Variants in PDGFD observed in about 807,000 individuals in gnomAD.
PDGFD encodes platelet-derived growth factor D.
A neutral mutation model predicts 44.7 loss-of-function variants in PDGFD; 30 were observed. The observed-to-expected ratio is 0.67, with a 90% CI of 0.50 to 0.91. PDGFD has a LOEUF of 0.91. Ranked by LOEUF, PDGFD falls within the 40% of genes least tolerant of loss-of-function variation. The pLI is 0.00. For synonymous variants in PDGFD, 173 were observed against 168.4 expected (o/e 1.03, Z -0.21); for missense variants, 445 against 457.8 (o/e 0.97, Z 0.25).
At chr11:104,157,614 C>T (rs745777208) in intron 1 of PDGFD, among the ~76,000 whole-genome samples, 4 of 152,182 alleles carry the variant, frequency 2.6e-5, no homozygotes, top group African/African-American at 7.2e-5. Flanking sequence ...CAAGGCAGCA[C>T]GGTCAACCCC....
At chr11:104,061,832 G>C (rs950129593) in intron 1 of PDGFD, among the ~76,000 whole-genome samples, 1 of 151,948 alleles carries the variant, frequency 6.6e-6, no homozygotes, top group African/African-American at 2.4e-5. Context: ...GGTCTTGAAC[G>C]CCTGGCCTCA....
At chr11:104,003,103 GA>G (rs962585022) in intron 1 of PDGFD, among the ~76,000 whole-genome samples, 3 of 151,852 alleles carry the variant, frequency 2.0e-5, no homozygotes, top group African/African-American at 7.3e-5. Context: ...CGTACACTTG[GA>G]AAAAAAAGTT....
At chr11:104,074,819 G>A (rs1355392647) in intron 1 of PDGFD, among the ~76,000 whole-genome samples, 1 of 152,184 alleles carries the variant, frequency 6.6e-6, no homozygotes, top group Non-Finnish European at 1.5e-5. Flanking sequence ...GAATTCAGGT[G>A]CTGATTGCCT....
rs143689113 is a variant in PDGFD at position 103,927,511 on chromosome 11, G to A, written c.773-385C>T. Among the ~76,000 whole-genome samples the A allele has an allele frequency of 8.1e-3, 1,238 of 152,142 alleles. 13 individuals carry two copies. Among genetic ancestry groups the A allele is most frequent in the African/African-American group, 0.028 (1,172 of 41,510 alleles). ...TGCTTCTTCATTCTAAATAAATCCT[G>A]ACTCTAAGCCATCACTTAAATATAA... On this transcript the variant is annotated intron_variant, in intron 5 of 6. Coordinates refer to ENST00000393158, the MANE Select transcript of PDGFD (RefSeq NM_025208.5).
At chr11:104,144,507 C>CAAAAAAAAAAAAAAAAAAA (rs201864924) in intron 1 of PDGFD, among the ~76,000 whole-genome samples, 2 of 73,820 alleles carry the variant, frequency 2.7e-5, no homozygotes, top group African/African-American at 1.3e-4. Context: ...ACTCCGTCAC[C>CAAAAAAAAAAAAAAAAAAA]AAAAAAAAAA....
At chr11:104,043,368 G>A (rs1239228429) in intron 1 of PDGFD, among the ~76,000 whole-genome samples, 1 of 152,202 alleles carries the variant, frequency 6.6e-6, no homozygotes, top group Admixed American at 6.5e-5. Context: ...TCACCGCCTA[G>A]AAGATAAGTC....
rs1243390058 is a variant in PDGFD at position 103,957,017 on chromosome 11, A to G, written c.511-9293T>C. ...CTCCCATTTTATAGTTTGCCTGTTC[A>G]CTCTGATGGTAGTTTCTTTTGCTGT... On this transcript the variant is annotated intron_variant, in intron 3 of 6. Transcript: ENST00000393158. 3.3e-5 allele frequency among the ~76,000 whole-genome samples: 5 copies of G among 152,044 alleles called. No individual in the cohort carries two copies. The East Asian group carries it at 9.7e-4, about 29-fold the overall frequency.
rs563786139 is a variant in PDGFD, at chr11:104,032,891, G to C, written c.125-32636C>G. Reference sequence around the variant, plus strand: ...TATATTCTTATATTGTACTTACTAAGGGAGAAAAGTAAGGGAGTATACTTC... The same window carrying C: ...TATATTCTTATATTGTACTTACTAACGGAGAAAAGTAAGGGAGTATACTTC... On this transcript the variant is annotated intron_variant, in intron 1 of 6. Coordinates refer to ENST00000393158, the MANE Select transcript of PDGFD (RefSeq NM_025208.5). 5.4e-4 allele frequency among the ~76,000 whole-genome samples: 82 copies of C among 151,906 alleles called. No homozygotes were observed. In the Middle Eastern group the frequency reaches 0.014, roughly 25 times the overall value.
intron 1 of PDGFD, among the ~76,000 whole-genome samples, chr11:104,020,896 G>A (rs1859939956): frequency 1.3e-5 from 2 of 152,054 alleles, no homozygotes; most frequent in South Asian, 4.1e-4. Context: ...CTTGGATTAA[G>A]GAATACATTT....
intron 1 of PDGFD, among the ~76,000 whole-genome samples, chr11:104,110,444 G>A (rs990919841): frequency 6.7e-6 from 1 of 150,132 alleles, no homozygotes; most frequent in Non-Finnish European, 1.5e-5. Context: ...AGGCATTTCT[G>A]TTTCTTAATA....
At chr11:104,125,817 G>A (rs1861834034) in intron 1 of PDGFD, among the ~76,000 whole-genome samples, 1 of 152,154 alleles carries the variant, frequency 6.6e-6, no homozygotes, top group African/African-American at 2.4e-5. Flanking sequence ...CACTCCTGAT[G>A]CTGAAGGTAG....
At chr11:103,919,719 G>C (rs1300537920) in intron 6 of PDGFD, among the ~76,000 whole-genome samples, 1 of 151,874 alleles carries the variant, frequency 6.6e-6, no homozygotes, top group Non-Finnish European at 1.5e-5. Context: ...ACGTTGGCCA[G>C]GCTGGTCTTG....
At chr11:104,019,715 T>A (rs946234289) in intron 1 of PDGFD, among the ~76,000 whole-genome samples, 2 of 152,162 alleles carry the variant, frequency 1.3e-5, no homozygotes. Flanking sequence ...AAGATTATCA[T>A]GTATAATTAT....
chr11:104,095,889 A>G (rs960070309), intron 1 of PDGFD, among the ~76,000 whole-genome samples: 2 of 152,200 alleles, frequency 1.3e-5, no homozygotes, highest in African/African-American at 4.8e-5. Flanking sequence ...TTACTGATAT[A>G]TGAGGAGATA....
chr11:104,073,065 A>G (rs943895659), intron 1 of PDGFD, among the ~76,000 whole-genome samples: 5 of 152,086 alleles, frequency 3.3e-5, no homozygotes, highest in Admixed American at 1.3e-4. Context: ...TGTACATTCT[A>G]CATCTAAAAT....
chr11:104,069,420 T>C (rs1860841149), intron 1 of PDGFD, among the ~76,000 whole-genome samples: 1 of 152,232 alleles, frequency 6.6e-6, no homozygotes, highest in African/African-American at 2.4e-5. Context: ...ATTTTTCCAC[T>C]AAAATTATTT....
chr11:103,926,592 T>C (rs1858319064), intron 6 of PDGFD, among the ~76,000 whole-genome samples: 1 of 152,246 alleles, frequency 6.6e-6, no homozygotes, highest in Admixed American at 6.5e-5. Context: ...ATATTTCTCT[T>C]TTTTTCTGTC....
rs1861005462 is a variant in PDGFD, at chr11:104,078,883, TATCC to T, written c.125-78632_125-78629del. On this transcript the variant is annotated intron_variant, in intron 1 of 6. Coordinates refer to ENST00000393158, the MANE Select transcript of PDGFD (RefSeq NM_025208.5). ...ATTTACTTTATATACTTTATATATG[TATCC>T]TAAATATATGCAAGATTTAACATTG... Among the ~76,000 whole-genome samples the T allele has an allele frequency of 4.7e-5, 3 of 63,460 alleles. 1 individual carries two copies. Among genetic ancestry groups the T allele is most frequent in the Non-Finnish European group, 8.5e-5 (3 of 35,242 alleles). The allele number at this position is 63,460 out of a possible 152,430, so 41.6% of individuals were successfully genotyped here.
chr11:104,096,162 G>A (rs890740646), intron 1 of PDGFD, among the ~76,000 whole-genome samples: 4 of 151,946 alleles, frequency 2.6e-5, no homozygotes, highest in Admixed American at 1.3e-4. Context: ...ATCAATTGAA[G>A]TTTATGAGCT....
Sources: gnomAD v4.1 joint callset for allele counts (sites outside exome capture counted in the v4.1 genomes callset) on GRCh38, gnomAD v4.1.1 for gene constraint, MANE v1.5 for transcripts, NCBI Gene and HGNC (gene_info 2026-07-23, HGNC 2026-07-21) for gene names.